Variants in FRMPD4 observed in about 807,000 individuals in gnomAD.
The protein encoded by FRMPD4 is FERM and PDZ domain-containing protein 4.
FRMPD4 carries 22 observed loss-of-function variants against 94.1 expected under a neutral mutation model. That is an observed-to-expected ratio of 0.23 (90% CI 0.17 to 0.33). FRMPD4 has a LOEUF of 0.33. Ranked by LOEUF, FRMPD4 falls within the 10% of genes least tolerant of loss-of-function variation. The pLI is 1.00. For missense variants in FRMPD4, 1,111 were observed against 1,339.9 expected (o/e 0.83, Z 2.67); for synonymous variants, 631 against 548.6 (o/e 1.15, Z -2.10).
chrX:12,070,129 A>G (rs769482069), intron 3 of FRMPD4, among the ~76,000 whole-genome samples: 2 of 110,379 alleles, frequency 1.8e-5, no homozygotes, highest in South Asian at 8.0e-4. Context: ...AGAGAGGGGG[A>G]AATTGAGGAT....
intron 3 of FRMPD4, among the ~76,000 whole-genome samples, chrX:11,946,475 G>A (rs1343977355): frequency 9.0e-6 from 1 of 111,461 alleles, no homozygotes; most frequent in African/African-American, 3.3e-5. Flanking sequence ...AGTTTTAAGA[G>A]ACGGTTTGCA....
chrX:12,210,002 G>A (rs1357691886), intron 1 of FRMPD4, among the ~76,000 whole-genome samples: 2 of 111,813 alleles, frequency 1.8e-5, no homozygotes, highest in African/African-American at 6.5e-5. Context: ...TTCCACTGAA[G>A]TGATAGTTGC....
In FRMPD4 at chrX:12,435,685, T is replaced by G. The variant is rs759335070; in HGVS notation, c.42-62995T>G. Among the ~76,000 whole-genome samples the G allele has an allele frequency of 6.2e-5, 7 of 112,010 alleles. No homozygotes were observed. The South Asian group carries it at 2.6e-3, about 42-fold the overall frequency. On this transcript the variant is annotated intron_variant, in intron 1 of 16. Coordinates refer to ENST00000675598, the MANE Select transcript of FRMPD4 (RefSeq NM_001368397.1). ...ATTTTCCTATTTGTCTTCGATTTTG[T>G]TTTTGTGGTTATGCTAGTCTCTAGA... is the stretch of plus-strand genomic sequence containing the variant.
At chrX:12,533,740 C>T (rs2058309853) in intron 2 of FRMPD4, among the ~76,000 whole-genome samples, 1 of 112,162 alleles carries the variant, frequency 8.9e-6, no homozygotes, top group Non-Finnish European at 1.9e-5. Context: ...TTTAGGGTAT[C>T]TGGCAGAAGA....
intron 3 of FRMPD4, among the ~76,000 whole-genome samples, chrX:12,043,919 T>TA (rs972007810): frequency 8.9e-6 from 1 of 112,048 alleles, no homozygotes; most frequent in Non-Finnish European, 1.9e-5. Context: ...TTTTTTAGTG[T>TA]AAAAAATATC....
intron 1 of FRMPD4, among the ~76,000 whole-genome samples, chrX:12,404,354 G>A (rs1242834635): frequency 8.9e-6 from 1 of 111,837 alleles, no homozygotes; most frequent in African/African-American, 3.2e-5. Context: ...TGGTTATTAT[G>A]TTTTTTGGGG....
chrX:12,440,535 C>T (rs939864001), intron 1 of FRMPD4, among the ~76,000 whole-genome samples: 3 of 111,517 alleles, frequency 2.7e-5, no homozygotes, highest in South Asian at 3.8e-4. Context: ...GGTGGGGAAG[C>T]TGGACTTTGA....
chrX:12,422,742 A>G (rs2056899504), intron 1 of FRMPD4, among the ~76,000 whole-genome samples: 1 of 112,290 alleles, frequency 8.9e-6, no homozygotes, highest in African/African-American at 3.2e-5. Flanking sequence ...TAGTTAGTCA[A>G]TTCCACTCTG....
chrX:12,315,545 G>A (rs1171596595), intron 1 of FRMPD4, among the ~76,000 whole-genome samples: 1 of 111,521 alleles, frequency 9.0e-6, no homozygotes. Context: ...TGATGTTGGC[G>A]GGTATGTAGG....
chrX:12,411,413 T>C (rs1408695234), intron 1 of FRMPD4, among the ~76,000 whole-genome samples: 1 of 112,390 alleles, frequency 8.9e-6, no homozygotes, highest in Non-Finnish European at 1.9e-5. Flanking sequence ...CCAGTAACTT[T>C]CCATTTCAAT....
chrX:12,306,890 A>AT (rs749743801), intron 1 of FRMPD4, among the ~76,000 whole-genome samples: 73 of 112,454 alleles, frequency 6.5e-4, no homozygotes, highest in Non-Finnish European at 1.2e-3. Flanking sequence ...AGGATCTGGC[A>AT]TTTTTAGATG....
intron 2 of FRMPD4, among the ~76,000 whole-genome samples, chrX:12,525,192 C>A (rs1358894366): frequency 9.0e-6 from 1 of 110,614 alleles, no homozygotes; most frequent in African/African-American, 3.3e-5. Context: ...GTTCTGATAC[C>A]AAAGACTACC....
At chrX:11,823,302 AATAATT>A (rs1159489809) in intron 1 of FRMPD4, among the ~76,000 whole-genome samples, 4 of 108,924 alleles carry the variant, frequency 3.7e-5, no homozygotes, top group African/African-American at 1.3e-4. Flanking sequence ...ATATAATAAT[AATAATT>A]ATTATTATTA....
intron 3 of FRMPD4, among the ~76,000 whole-genome samples, chrX:12,117,718 C>A (rs2147531780): frequency 8.9e-6 from 1 of 112,405 alleles, no homozygotes; most frequent in Non-Finnish European, 1.9e-5. Context: ...CAGACAAGGA[C>A]TGTCACTCTT....
At chrX:12,354,627 T>A (rs1021352234) in intron 1 of FRMPD4, among the ~76,000 whole-genome samples, 7 of 112,575 alleles carry the variant, frequency 6.2e-5, no homozygotes, top group African/African-American at 1.9e-4. Context: ...ACGTCATTCC[T>A]TTGCTATTTA....
chrX:12,347,525 A>G (rs2055733313), intron 1 of FRMPD4, among the ~76,000 whole-genome samples: 1 of 111,909 alleles, frequency 8.9e-6, no homozygotes, highest in Non-Finnish European at 1.9e-5. Flanking sequence ...CGTGAGCCAC[A>G]ATGCCTGACC....
intron 1 of FRMPD4, among the ~76,000 whole-genome samples, chrX:12,160,070 T>G (rs188587100): frequency 0.011 from 1,124 of 101,372 alleles, 21 homozygotes; most frequent in African/African-American, 0.038. Flanking sequence ...TGTTGAGGGG[T>G]GTGTGTGTGT....
chrX:12,412,890 C>A (rs1387382854), intron 1 of FRMPD4, among the ~76,000 whole-genome samples: 1 of 111,815 alleles, frequency 8.9e-6, no homozygotes, highest in African/African-American at 3.2e-5. Flanking sequence ...CAACAAGGGT[C>A]CTGGTAGCAG....
At chrX:11,957,355 T>C (rs5933937) in intron 3 of FRMPD4, among the ~76,000 whole-genome samples, 9,578 of 110,057 alleles carry the variant, frequency 0.087, 364 homozygotes, top group East Asian at 0.24. Context: ...CCCAAGAGTT[T>C]GAGACCAGTC....
Sources: gnomAD v4.1 joint callset for allele counts (sites outside exome capture counted in the v4.1 genomes callset) on GRCh38, gnomAD v4.1.1 for gene constraint, MANE v1.5 for transcripts, NCBI Gene and HGNC (gene_info 2026-07-23, HGNC 2026-07-21) for gene names.